Variants in TMEM132D observed in about 807,000 individuals in gnomAD.
TMEM132D encodes transmembrane protein 132D.
TMEM132D carries 21 observed loss-of-function variants against 62.3 expected under a neutral mutation model. The ratio of observed to expected loss-of-function variants is 0.34; its 90% CI spans 0.24 to 0.49. The LOEUF (loss-of-function observed/expected upper bound fraction) is 0.49. TMEM132D is among the 20% of genes least tolerant of loss of function. The pLI is 0.99. For missense variants in TMEM132D, 1,346 were observed against 1,402.8 expected (o/e 0.96, Z 0.65); for synonymous variants, 621 against 575.6 (o/e 1.08, Z -1.13).
At chr12:129,721,009 C>A (rs1325255409) in intron 1 of TMEM132D, among the ~76,000 whole-genome samples, 1 of 152,176 alleles carries the variant, frequency 6.6e-6, no homozygotes, top group East Asian at 1.9e-4. Context: ...GAAGATGGGG[C>A]CGCATCTGCG....
chr12:129,269,963 T>C (rs938385936), intron 4 of TMEM132D, among the ~76,000 whole-genome samples: 7 of 152,080 alleles, frequency 4.6e-5, no homozygotes, highest in East Asian at 1.9e-4. Flanking sequence ...AGGGATTCCA[T>C]CTGATGGGTG....
chr12:129,821,076 A>C (rs1386529502), intron 1 of TMEM132D, among the ~76,000 whole-genome samples: 1 of 152,194 alleles, frequency 6.6e-6, no homozygotes, highest in East Asian at 1.9e-4. Flanking sequence ...ATCTGAAATT[A>C]GCCATTTTAA....
chr12:129,524,973 T>G (rs1264417692), intron 3 of TMEM132D, among the ~76,000 whole-genome samples: 2 of 121,100 alleles, frequency 1.7e-5, no homozygotes, highest in Non-Finnish European at 3.3e-5. Flanking sequence ...GTCGCCAGGC[T>G]GGAGTGCAGT....
chr12:129,787,908 G>C lies in TMEM132D; in HGVS notation c.80-87210C>G, dbSNP rs186213598. On this transcript the variant is annotated intron_variant, in intron 1 of 8. Transcript: ENST00000422113. ...AGGACAGAGGAGGGGCCCGTTGAAG[G>C]CCCAGCCAAAAAACCTTCAGATGAG... 9.2e-5 allele frequency among the ~76,000 whole-genome samples: 14 copies of C among 152,296 alleles called. No homozygotes were observed. In the East Asian group the frequency reaches 2.5e-3, roughly 27 times the overall value.
intron 4 of TMEM132D, among the ~76,000 whole-genome samples, chr12:129,312,091 G>A (rs902081209): frequency 6.6e-6 from 1 of 152,214 alleles, no homozygotes; most frequent in South Asian, 2.1e-4. Flanking sequence ...TCGCAAGACT[G>A]GCGAGGAGAC....
intron 3 of TMEM132D, among the ~76,000 whole-genome samples, chr12:129,441,706 T>C (rs958960210): frequency 6.6e-6 from 1 of 152,152 alleles, no homozygotes; most frequent in African/African-American, 2.4e-5. Context: ...ACTGCAGTAC[T>C]ATTCATAATA....
intron 5 of TMEM132D, among the ~76,000 whole-genome samples, chr12:129,134,333 GAT>G (rs1375104169): frequency 1.3e-5 from 2 of 152,154 alleles, no homozygotes; most frequent in African/African-American, 2.4e-5. Context: ...TCCACTTTTG[GAT>G]ATGTTTGTTT....
chr12:129,643,365 C>G (rs141161294), intron 2 of TMEM132D, among the ~76,000 whole-genome samples: 1 of 152,186 alleles, frequency 6.6e-6, no homozygotes, highest in African/African-American at 2.4e-5. Context: ...CCCAGCCCAC[C>G]GCCTGCTTTG....
intron 1 of TMEM132D, among the ~76,000 whole-genome samples, chr12:129,760,445 C>T (rs1373516853): frequency 1.3e-5 from 2 of 148,456 alleles, no homozygotes; most frequent in Non-Finnish European, 1.5e-5. Context: ...CACTCTCCTT[C>T]CTCAGCCTCC....
intron 5 of TMEM132D, among the ~76,000 whole-genome samples, chr12:129,147,269 T>TATGTATATATATACATGTGCAC (rs1565978392): frequency 7.3e-5 from 11 of 150,318 alleles, no homozygotes; most frequent in Non-Finnish European, 1.3e-4. Flanking sequence ...CATATGTGCA[T>TATGTATATATATACATGTGCAC]ATGTATATAT....
chr12:129,437,235 G>T (rs1244382368), intron 3 of TMEM132D, among the ~76,000 whole-genome samples: 1 of 152,108 alleles, frequency 6.6e-6, no homozygotes, highest in Non-Finnish European at 1.5e-5. Flanking sequence ...TGGGAACGGA[G>T]CAACTATAAT....
intron 1 of TMEM132D, among the ~76,000 whole-genome samples, chr12:129,873,557 A>T (rs1187477138): frequency 6.6e-6 from 1 of 152,236 alleles, no homozygotes; most frequent in Non-Finnish European, 1.5e-5. Flanking sequence ...CAATGGCTAG[A>T]CGCTGAACCA....
intron 1 of TMEM132D, among the ~76,000 whole-genome samples, chr12:129,747,892 C>T (rs1869867247): frequency 6.6e-6 from 1 of 152,070 alleles, no homozygotes. Flanking sequence ...CAGACACACA[C>T]ACAGCTGAAC....
chr12:129,799,673 C>T (rs1871699394), intron 1 of TMEM132D, among the ~76,000 whole-genome samples: 1 of 152,096 alleles, frequency 6.6e-6, no homozygotes, highest in African/African-American at 2.4e-5. Context: ...CATGATCTGC[C>T]TGGTCCTCGT....
intron 1 of TMEM132D, among the ~76,000 whole-genome samples, chr12:129,761,154 T>C (rs1225239559): frequency 6.6e-6 from 1 of 152,058 alleles, no homozygotes; most frequent in Non-Finnish European, 1.5e-5. Flanking sequence ...AGGACCTCGT[T>C]CCAGTGTCAT....
At position 129,676,156 on chromosome 12, in the gene TMEM132D, G is replaced by A. The variant is rs142386984; in HGVS notation, c.968+23654C>T. On this transcript the variant is annotated intron_variant, in intron 2 of 8. Coordinates refer to ENST00000422113, the MANE Select transcript of TMEM132D (RefSeq NM_133448.3). ...GGCCAAAGCACAAAGGAGGCAAACCGCTGAATTTCAGGCAGTGTTAAGCTC... is the reference window on the plus strand; with the variant it reads ...GGCCAAAGCACAAAGGAGGCAAACCACTGAATTTCAGGCAGTGTTAAGCTC... Among the ~76,000 whole-genome samples, 58 of 152,234 alleles carry A rather than the reference G, an allele frequency of 3.8e-4. 1 individual carries two copies. The East Asian group carries it at 9.7e-3, about 25-fold the overall frequency.
intron 4 of TMEM132D, among the ~76,000 whole-genome samples, chr12:129,218,293 G>A (rs1879264009): frequency 6.6e-6 from 1 of 152,190 alleles, no homozygotes; most frequent in Non-Finnish European, 1.5e-5. Context: ...GGTCACTAAG[G>A]ATGGGGATAC....
chr12:129,637,288 T>C (rs1313021260), intron 2 of TMEM132D, among the ~76,000 whole-genome samples: 2 of 152,242 alleles, frequency 1.3e-5, no homozygotes, highest in Admixed American at 1.3e-4. Flanking sequence ...TTTGTAAATT[T>C]GCCTTTGTCT....
intron 2 of TMEM132D, among the ~76,000 whole-genome samples, chr12:129,667,324 C>A (rs1173062024): frequency 1.3e-5 from 2 of 152,088 alleles, no homozygotes; most frequent in Non-Finnish European, 2.9e-5. Flanking sequence ...CTTTTGAAGA[C>A]AATTTTTCTA....
Sources: allele counts gnomAD v4.1 joint callset (sites outside exome capture counted in the v4.1 genomes callset), GRCh38; gene constraint gnomAD v4.1.1; transcripts MANE v1.5; gene names NCBI Gene and HGNC (gene_info 2026-07-23, HGNC 2026-07-21).